The following SETDB1 variants were observed in gnomAD, a reference collection of about 807,000 sequenced individuals.
SETDB1 encodes the protein SET domain bifurcated histone lysine methyltransferase 1, also known as histone-lysine N-methyltransferase SETDB1.
A neutral mutation model predicts 137.4 loss-of-function variants in SETDB1; 31 were observed. The ratio of observed to expected loss-of-function variants is 0.23; its 90% CI spans 0.17 to 0.30. The LOEUF (loss-of-function observed/expected upper bound fraction) is 0.30, where lower values mean the gene tolerates loss of function less well. Among genes scored for constraint, SETDB1 ranks in the 10% least tolerant of loss-of-function variants. The probability of loss-of-function intolerance (pLI) is 1.00; values close to 1 mark genes in which losing one functional copy is unlikely to be tolerated. For missense variants in SETDB1, 1,113 were observed against 1,631.5 expected (o/e 0.68, Z 5.47); for synonymous variants, 548 against 579.9 (o/e 0.95, Z 0.79).
At position 150,953,135 on chromosome 1, in the gene SETDB1, T is replaced by C. The variant is rs587706774; in HGVS notation, c.2333+1654T>C. ...AGAGGAGGTGGAACCAGCATGAGGTTGAGGACAGCTACTGAGGAGGGTGAG... is the reference window on the plus strand; with the variant it reads ...AGAGGAGGTGGAACCAGCATGAGGTCGAGGACAGCTACTGAGGAGGGTGAG... On this transcript the variant is annotated intron_variant, in intron 14 of 21. Transcript: ENST00000692827. Among the ~76,000 whole-genome samples, 14 of 152,236 alleles carry C rather than the reference T, an allele frequency of 9.2e-5. No individual in the cohort carries two copies. The East Asian group carries it at 2.7e-3, about 29-fold the overall frequency.
At chr1:150,958,729 TTTATTA>T (rs764880970) in intron 14 of SETDB1, among the ~76,000 whole-genome samples, 2 of 152,014 alleles carry the variant, frequency 1.3e-5, no homozygotes, top group African/African-American at 2.4e-5. Context: ...TTTATTTATT[TTTATTA>T]TTATTATTAT....
At chr1:150,962,878 C>G in intron 18 of SETDB1, 96 bp from the exon 19 acceptor site, 1 of 1,499,292 alleles carries the variant, frequency 6.7e-7, no homozygotes, top group African/African-American at 1.4e-5. Context: ...CTTCCTCTTG[C>G]CACCGCCCTT....
At chr1:150,937,200 A>C (rs868302147) in intron 3 of SETDB1, among the ~76,000 whole-genome samples, 1 of 121,768 alleles carries the variant, frequency 8.2e-6, no homozygotes. Flanking sequence ...AAAAAAAAGA[A>C]AAAAAAAAGA....
At position 150,964,417 on chromosome 1, in the gene SETDB1, G is replaced by C. The variant is rs774772559; in HGVS notation, c.*53G>C. 7 of 1,325,630 alleles carry C rather than the reference G, an allele frequency of 5.3e-6. No homozygotes were observed. The South Asian group carries it at 8.4e-5, about 16-fold the overall frequency. The allele number at this position is 1,325,630 out of a possible 1,614,324, so 82.1% of individuals were successfully genotyped here. ...GAACTGTCGTTTCCTCAGGAACTGG[G>C]TCTTCCTGATTGTTGAACCCTGACC... On this transcript the variant is annotated 3_prime_UTR_variant, in exon 22 of 22. Coordinates refer to ENST00000692827, the MANE Select transcript of SETDB1 (RefSeq NM_001366418.1).
intron 12 of SETDB1, among the ~76,000 whole-genome samples, chr1:150,949,860 A>G (rs1314798859): frequency 6.6e-6 from 1 of 152,186 alleles, no homozygotes; most frequent in Non-Finnish European, 1.5e-5. Context: ...GCAGCAGACC[A>G]AAAAAACATT....
At chr1:150,958,392 C>T (rs1217994006) in intron 14 of SETDB1, among the ~76,000 whole-genome samples, 2 of 151,558 alleles carry the variant, frequency 1.3e-5, no homozygotes, top group Admixed American at 1.3e-4. Flanking sequence ...GCTGGGACTA[C>T]AGATGCATGC....
intron 1 of SETDB1, among the ~76,000 whole-genome samples, chr1:150,927,242 C>T (rs901346855): frequency 3.3e-5 from 5 of 152,210 alleles, no homozygotes; most frequent in Non-Finnish European, 5.9e-5. Flanking sequence ...CCTCCCACTT[C>T]AGCCTCCTGA....
At chr1:150,952,028 G>A (rs1025347093) in intron 14 of SETDB1, among the ~76,000 whole-genome samples, 1 of 151,942 alleles carries the variant, frequency 6.6e-6, no homozygotes, top group Admixed American at 6.6e-5. Context: ...GGTGCCTGCA[G>A]TCCCAACTAC....
chr1:150,930,366 T>C, intron 3 of SETDB1: 1 of 384,326 alleles, frequency 2.6e-6, no homozygotes. Context: ...GGGTATTCCA[T>C]CAAAGAGTGG....
chr1:150,949,548 G>T (rs1211893633), intron 12 of SETDB1, 23 bp downstream of exon 12: 1 of 1,612,048 alleles, frequency 6.2e-7, no homozygotes, highest in Non-Finnish European at 8.5e-7. Flanking sequence ...GAGGCTCTCT[G>T]TAGGCAGGAT....
intron 4 of SETDB1, 124 bp from the exon 5 acceptor site, chr1:150,941,205 A>G (rs1259390438): frequency 5.0e-6 from 3 of 604,018 alleles, no homozygotes; most frequent in East Asian, 5.8e-5. Context: ...TAAAGTAACC[A>G]TAAGCTTCCA....
rs111660370 is a variant in SETDB1 at position 150,963,742 on chromosome 1, G to A, written c.3672+1G>A. On this transcript the variant is annotated splice_donor_variant, in intron 20 of 21. Transcript: ENST00000692827. LOFTEE classifies it high-confidence loss of function. ...AGGCAACCTGGGCCGCTACCTCAAC[G>A]TGAGACCCCTCTCCCCACCTCTAGA... 1 of 1,613,578 alleles carries A rather than the reference G, an allele frequency of 6.2e-7. No homozygotes were observed. Among genetic ancestry groups the A allele is most frequent in the African/African-American group, 1.3e-5 (1 of 74,884 alleles).
chr1:150,936,303 T>G (rs1395268322), intron 3 of SETDB1, among the ~76,000 whole-genome samples: 1 of 152,210 alleles, frequency 6.6e-6, no homozygotes, highest in African/African-American at 2.4e-5. Context: ...TCAGTTTTTT[T>G]ATTTTAACTT....
At position 150,931,261 on chromosome 1, in the gene SETDB1, CAAA is replaced by C. The variant is rs767694682; in HGVS notation, c.412+1161_412+1163del. On this transcript the variant is annotated intron_variant, in intron 3 of 21. Coordinates refer to ENST00000692827, the MANE Select transcript of SETDB1 (RefSeq NM_001366418.1). ...GGTGACAAAGCAAGACTCTTGTCTTCAAAAAAAAAAAAAAAAAAAAGGGTTTCC... is the reference window on the plus strand; with the variant it reads ...GGTGACAAAGCAAGACTCTTGTCTTCAAAAAAAAAAAAAAAAAGGGTTTCC... 1.7e-3 allele frequency among the ~76,000 whole-genome samples: 115 copies of C among 67,508 alleles called. 2 individuals carry two copies. The highest frequency in any genetic ancestry group is 5.0e-3 in the African/African-American group (113 of 22,798). 44.3% of individuals were successfully genotyped at this position (67,508 alleles called of 152,430 possible).
chr1:150,949,312 T>C, intron 11 of SETDB1, 34 bp downstream of exon 11: 1 of 1,612,650 alleles, frequency 6.2e-7, no homozygotes, highest in Non-Finnish European at 8.5e-7. Flanking sequence ...TTCAGTTTCT[T>C]TCATATTATA....
At chr1:150,951,824 T>C (rs1332722027) in intron 14 of SETDB1, among the ~76,000 whole-genome samples, 1 of 152,132 alleles carries the variant, frequency 6.6e-6, no homozygotes. Flanking sequence ...AGGGACCTGA[T>C]TACATAGGGC....
At chr1:150,928,889 C>T (rs903856812) in intron 2 of SETDB1, among the ~76,000 whole-genome samples, 1 of 152,128 alleles carries the variant, frequency 6.6e-6, no homozygotes. Flanking sequence ...ATGATGGTTT[C>T]CAGCTTCATC....
chr1:150,962,922 A>G, intron 18 of SETDB1, 52 bp from the exon 19 acceptor site: 9 of 1,591,396 alleles, frequency 5.7e-6, no homozygotes, highest in Non-Finnish European at 7.7e-6. Flanking sequence ...CAAGGACTTA[A>G]AGGAGCCCTT....
intron 14 of SETDB1, 22 bp downstream of exon 14, chr1:150,951,503 C>T (rs749483602): frequency 2.5e-6 from 3 of 1,212,890 alleles, no homozygotes; most frequent in Admixed American, 1.7e-5. Flanking sequence ...AGGAATGGCA[C>T]AGTACCTCAG....
Sources: allele counts gnomAD v4.1 joint callset (sites outside exome capture counted in the v4.1 genomes callset), GRCh38; gene constraint gnomAD v4.1.1; transcripts MANE v1.5; gene names NCBI Gene and HGNC (gene_info 2026-07-23, HGNC 2026-07-21).